ERI1: variants seen among roughly 807,000 people sequenced by gnomAD.
ERI1 encodes the protein exoribonuclease 1.
A neutral mutation model predicts 39.7 loss-of-function variants in ERI1; 39 were observed. The ratio of observed to expected loss-of-function variants is 0.98; its 90% CI spans 0.76 to 1.28. The LOEUF (loss-of-function observed/expected upper bound fraction) is 1.28. ERI1 is among the 50% of genes most tolerant of loss of function. The pLI, the probability that ERI1 is intolerant of heterozygous loss-of-function variation, is 0.00. For synonymous variants in ERI1, 204 were observed against 149.6 expected, an observed-to-expected ratio of 1.36 and a Z score of -2.65; for missense variants, 581 against 416.9, an observed-to-expected ratio of 1.39 and a Z score of -3.43.
intron 5 of ERI1, 133 bp from the exon 6 acceptor site, chr8:9,020,217 T>A: frequency 2.0e-6 from 1 of 496,930 alleles, no homozygotes; most frequent in Non-Finnish European, 3.5e-6. Flanking sequence ...GGAAGCAAGG[T>A]TAATTTTCTC....
chr8:9,018,391 C>T lies in ERI1; in HGVS notation c.677C>T (p.Ser226Leu). ...GAATTAGGAACAAAGTATAAATACT[C>T]ACTTTTAACAGATGGGTAAGTATTT... ...LKELGTKYKYSLLTDGSWDMS... is the reference protein window; with the variant it reads ...LKELGTKYKYLLLTDGSWDMS... Residue 226 changes from serine to leucine, a missense_variant, in exon 5 of 7, where the codon TCA becomes TTA. Physicochemically the swap from Ser to Leu is moderately radical, Grantham distance 145. Transcript: ENST00000250263. 6.4e-7 allele frequency: 1 copy of T among 1,561,870 alleles called. No individual in the cohort carries two copies. Among genetic ancestry groups the T allele is most frequent in the Non-Finnish European group, 8.8e-7 (1 of 1,134,522 alleles).
chr8:9,017,279 A>G (rs183579978), intron 4 of ERI1, among the ~76,000 whole-genome samples: 8 of 152,012 alleles, frequency 5.3e-5, no homozygotes, highest in Non-Finnish European at 8.8e-5. Context: ...TCCTGACGTC[A>G]AGCCCTCCTC....
rs576637194 is a variant in ERI1 at position 9,027,497 on chromosome 8, A to C, written c.808-2295A>C. ...AAGGTTTTTAATGTTGATGAAGTCT[A>C]CTTTATTTTTTCTTTTGTTGCCTGT... On this transcript the variant is annotated intron_variant, in intron 6 of 6. Transcript: ENST00000250263. 2.6e-5 allele frequency among the ~76,000 whole-genome samples: 4 copies of C among 152,234 alleles called. No homozygotes were observed. In the South Asian group the frequency reaches 8.3e-4, roughly 32 times the overall value.
At chr8:9,016,173 C>T (rs1267879046) in intron 3 of ERI1, 149 bp from the exon 4 acceptor site, 21 of 416,834 alleles carry the variant, frequency 5.0e-5, no homozygotes, top group Non-Finnish European at 8.7e-5. Flanking sequence ...AGAGTGCTTT[C>T]GATGTGGGGA....
intron 3 of ERI1, among the ~76,000 whole-genome samples, chr8:9,015,436 G>C (rs1017108666): frequency 6.6e-6 from 1 of 152,124 alleles, no homozygotes; most frequent in African/African-American, 2.4e-5. Context: ...AAAGCACTTA[G>C]AGATCGGAGC....
intron 6 of ERI1, among the ~76,000 whole-genome samples, chr8:9,025,330 C>T (rs1206050840): frequency 2.0e-5 from 3 of 152,190 alleles, no homozygotes; most frequent in Non-Finnish European, 4.4e-5. Context: ...TTTCCAAAGA[C>T]ATACTCCGTT....
chr8:9,009,941 C>G (rs1563310908), intron 2 of ERI1, among the ~76,000 whole-genome samples: 2 of 152,180 alleles, frequency 1.3e-5, no homozygotes. Context: ...GAACTCTATG[C>G]TGAAGTCTGC....
chr8:9,008,926 C>G, intron 2 of ERI1: 1 of 443,356 alleles, frequency 2.3e-6, no homozygotes, highest in South Asian at 1.6e-5. Context: ...TTTAGAGTTT[C>G]ACCACTCTTC....
chr8:9,051,953 G>A (rs1218036090), intron 3 of ERI1, among the ~76,000 whole-genome samples: 2 of 152,224 alleles, frequency 1.3e-5, no homozygotes, highest in Admixed American at 6.5e-5. Context: ...GAGAGCCCAG[G>A]CTCAGATGCC....
intron 3 of ERI1, among the ~76,000 whole-genome samples, chr8:9,048,040 A>T (rs1798235377): frequency 6.6e-6 from 1 of 152,214 alleles, no homozygotes; most frequent in South Asian, 2.1e-4. Context: ...GAAAGCCAGG[A>T]CTTGAACCTA....
At chr8:9,037,779 C>T (rs552205869), downstream of ERI1, among the ~76,000 whole-genome samples, 26 of 151,766 alleles carry the variant, frequency 1.7e-4, no homozygotes, top group African/African-American at 5.1e-4. Flanking sequence ...GGCTCTGTCT[C>T]GAGTAGAAAT....
intron 3 of ERI1, among the ~76,000 whole-genome samples, chr8:9,059,750 A>T (rs1798630673): frequency 6.6e-6 from 1 of 152,184 alleles, no homozygotes; most frequent in Non-Finnish European, 1.5e-5. Flanking sequence ...TGGGGATAGC[A>T]CCAGGCGATA....
At chr8:9,025,822 A>T (rs1022937127) in intron 6 of ERI1, among the ~76,000 whole-genome samples, 3 of 151,914 alleles carry the variant, frequency 2.0e-5, no homozygotes, top group African/African-American at 7.3e-5. Flanking sequence ...CAGATTTTGG[A>T]ATATTTGCAT....
At chr8:9,040,451 A>C (rs541987113) in intron 3 of ERI1, among the ~76,000 whole-genome samples, 1 of 152,128 alleles carries the variant, frequency 6.6e-6, no homozygotes, top group Non-Finnish European at 1.5e-5. Context: ...GTGAGCTGGG[A>C]AGGTGAGTGG....
intron 3 of ERI1, among the ~76,000 whole-genome samples, chr8:9,078,012 CAG>C (rs1799260668): frequency 6.6e-6 from 1 of 152,140 alleles, no homozygotes; most frequent in Non-Finnish European, 1.5e-5. Context: ...TCTTTTGAGA[CAG>C]AGTCTCGCTT....
At chr8:9,044,754 C>T (rs140680033) in intron 3 of ERI1, among the ~76,000 whole-genome samples, 1 of 152,166 alleles carries the variant, frequency 6.6e-6, no homozygotes, top group East Asian at 1.9e-4. Flanking sequence ...CCACTGGAGT[C>T]TCCAAGACGG....
At chr8:9,065,905 T>C (rs1194010326) in intron 3 of ERI1, among the ~76,000 whole-genome samples, 1 of 152,120 alleles carries the variant, frequency 6.6e-6, no homozygotes, top group Admixed American at 6.5e-5. Context: ...CACCAGCAGG[T>C]GGCGCTGTCG....
At chr8:9,013,846 C>G (rs145753696) in intron 3 of ERI1, among the ~76,000 whole-genome samples, 1 of 152,120 alleles carries the variant, frequency 6.6e-6, no homozygotes, top group African/African-American at 2.4e-5. Context: ...TCAATGATTC[C>G]TGTTTGGCTC....
At chr8:9,074,562 C>G (rs1799149509) in intron 3 of ERI1, among the ~76,000 whole-genome samples, 1 of 152,196 alleles carries the variant, frequency 6.6e-6, no homozygotes, top group African/African-American at 2.4e-5. Context: ...TGGCCTCAGT[C>G]TCCTGAGTAG....
Sources: gnomAD v4.1 joint callset for allele counts (sites outside exome capture counted in the v4.1 genomes callset) on GRCh38, gnomAD v4.1.1 for gene constraint, MANE v1.5 for transcripts, NCBI Gene and HGNC (gene_info 2026-07-23, HGNC 2026-07-21) for gene names.